The following CCBE1 variants were observed in gnomAD, a reference collection of about 807,000 sequenced individuals.
CCBE1 encodes the protein collagen and calcium-binding EGF domain-containing protein 1.
A neutral mutation model predicts 50.0 loss-of-function variants in CCBE1; 37 were observed. The ratio of observed to expected loss-of-function variants is 0.74; its 90% CI spans 0.57 to 0.97. The LOEUF (loss-of-function observed/expected upper bound fraction) is 0.97, where lower values mean the gene tolerates loss of function less well. CCBE1 is among the 50% of genes least tolerant of loss of function. The pLI is 0.00. For synonymous variants in CCBE1, 234 were observed against 203.7 expected, an observed-to-expected ratio of 1.15 and a Z score of -1.27; for missense variants, 538 against 523.8, an observed-to-expected ratio of 1.03 and a Z score of -0.26.
intron 2 of CCBE1, among the ~76,000 whole-genome samples, chr18:59,559,762 C>T (rs988459201): frequency 2.6e-5 from 4 of 152,236 alleles, no homozygotes; most frequent in African/African-American, 9.6e-5. Context: ...GAAGTGAAAC[C>T]TGTGTCTCTG....
At chr18:59,526,508 G>A (rs1473912887) in intron 2 of CCBE1, among the ~76,000 whole-genome samples, 1 of 151,762 alleles carries the variant, frequency 6.6e-6, no homozygotes, top group Non-Finnish European at 1.5e-5. Context: ...ATGGGATTTC[G>A]CCACATTGGC....
At chr18:59,542,161 G>C (rs936698782) in intron 2 of CCBE1, among the ~76,000 whole-genome samples, 4 of 127,910 alleles carry the variant, frequency 3.1e-5, no homozygotes, top group African/African-American at 1.2e-4. Context: ...GTGACAGAGT[G>C]AGATCCTGTC....
At chr18:59,445,826 G>A (rs1026305734) in intron 7 of CCBE1, among the ~76,000 whole-genome samples, 2 of 152,176 alleles carry the variant, frequency 1.3e-5, no homozygotes, top group East Asian at 3.9e-4. Context: ...AGTATGTCAA[G>A]TGCCTTTGAA....
At chr18:59,697,017 G>A (rs889757408) in intron 1 of CCBE1, among the ~76,000 whole-genome samples, 195 bp downstream of exon 1, 1 of 152,224 alleles carries the variant, frequency 6.6e-6, no homozygotes, top group African/African-American at 2.4e-5. Flanking sequence ...ACCCACGGAT[G>A]GCAGGGCGCA....
chr18:59,585,050 G>A (rs1016842061), intron 2 of CCBE1, among the ~76,000 whole-genome samples: 3 of 152,074 alleles, frequency 2.0e-5, no homozygotes, highest in Non-Finnish European at 2.9e-5. Flanking sequence ...GACGCACCAT[G>A]GCTCATGACC....
At chr18:59,539,200 C>CA (rs60749358) in intron 2 of CCBE1, among the ~76,000 whole-genome samples, 17 of 147,892 alleles carry the variant, frequency 1.1e-4, no homozygotes, top group East Asian at 4.9e-4. Context: ...CACACACACA[C>CA]AAAAAACAAA....
chr18:59,484,315 T>G (rs753543419), intron 2 of CCBE1, among the ~76,000 whole-genome samples: 5 of 152,240 alleles, frequency 3.3e-5, no homozygotes, highest in Non-Finnish European at 5.9e-5. Context: ...AAAACCCACG[T>G]GTTTTTGATA....
chr18:59,460,374 C>T (rs1392394985), intron 5 of CCBE1, among the ~76,000 whole-genome samples: 1 of 152,214 alleles, frequency 6.6e-6, no homozygotes, highest in Non-Finnish European at 1.5e-5. Context: ...TTTCAGATCA[C>T]ATGTGGTTAT....
At chr18:59,505,316 C>G (rs766878638) in intron 2 of CCBE1, among the ~76,000 whole-genome samples, 1 of 152,162 alleles carries the variant, frequency 6.6e-6, no homozygotes, top group Non-Finnish European at 1.5e-5. Context: ...CCAGCAGGAC[C>G]AGGGACGCCA....
At chr18:59,521,864 T>C (rs1349546942) in intron 2 of CCBE1, among the ~76,000 whole-genome samples, 1 of 152,216 alleles carries the variant, frequency 6.6e-6, no homozygotes, top group Non-Finnish European at 1.5e-5. Flanking sequence ...TAATAAACTA[T>C]ACTTTGGTTG....
chr18:59,530,861 C>T (rs1357437400), intron 2 of CCBE1, among the ~76,000 whole-genome samples: 3 of 152,206 alleles, frequency 2.0e-5, no homozygotes, highest in South Asian at 4.1e-4. Flanking sequence ...GGAAAGCTAT[C>T]GTCTTCAACA....
intron 2 of CCBE1, among the ~76,000 whole-genome samples, chr18:59,613,251 T>C (rs1372373733): frequency 6.6e-6 from 1 of 152,156 alleles, no homozygotes; most frequent in East Asian, 1.9e-4. Flanking sequence ...AGGAATCATT[T>C]TGCCACCAGT....
chr18:59,667,476 A>G (rs1219055476), intron 2 of CCBE1, among the ~76,000 whole-genome samples: 5 of 152,150 alleles, frequency 3.3e-5, no homozygotes, highest in Non-Finnish European at 5.9e-5. Flanking sequence ...AACAGCAGGA[A>G]ACTGCTACCC....
chr18:59,465,107 G>C (rs7233654), intron 5 of CCBE1: 143,792 of 152,332 alleles, frequency 0.94, 68,069 homozygotes, highest in Non-Finnish European at 0.98. Context: ...CCCCAGGGAA[G>C]TGGTCCTGCC....
At chr18:59,561,948 GC>G (rs778879125) in intron 2 of CCBE1, among the ~76,000 whole-genome samples, 7 of 152,078 alleles carry the variant, frequency 4.6e-5, no homozygotes, top group Non-Finnish European at 7.4e-5. Flanking sequence ...CCTGCCTATT[GC>G]CCCCTGAGGT....
At chr18:59,570,280 A>G (rs1161365532) in intron 2 of CCBE1, among the ~76,000 whole-genome samples, 1 of 152,180 alleles carries the variant, frequency 6.6e-6, no homozygotes, top group Non-Finnish European at 1.5e-5. Flanking sequence ...GAGGAACAAT[A>G]AGGTGGTGCT....
chr18:59,632,168 T>C (rs528231219), intron 2 of CCBE1, among the ~76,000 whole-genome samples: 18 of 152,290 alleles, frequency 1.2e-4, no homozygotes, highest in African/African-American at 4.1e-4. Context: ...ATTCACTTCA[T>C]TGATGAGGAA....
At chr18:59,490,706 T>TA (rs1241867743) in intron 2 of CCBE1, among the ~76,000 whole-genome samples, 3 of 152,222 alleles carry the variant, frequency 2.0e-5, no homozygotes, top group African/African-American at 7.2e-5. Flanking sequence ...AGCTTTTGAC[T>TA]AAGTCACCTG....
intron 2 of CCBE1, among the ~76,000 whole-genome samples, chr18:59,517,883 G>A (rs947848034): frequency 5.9e-5 from 9 of 152,196 alleles, no homozygotes; most frequent in Non-Finnish European, 1.2e-4. Context: ...AAGGGGGCTG[G>A]GGATTCCCAA....
Sources: allele counts gnomAD v4.1 joint callset (sites outside exome capture counted in the v4.1 genomes callset), GRCh38; gene constraint gnomAD v4.1.1; transcripts MANE v1.5; gene names NCBI Gene and HGNC (gene_info 2026-07-23, HGNC 2026-07-21).